Variants in EYS observed in about 807,000 individuals in gnomAD.
EYS encodes EGF-like photoreceptor maintenance factor, also known as protein eyes shut homolog.
A neutral mutation model predicts 282.1 loss-of-function variants in EYS; 250 were observed. That is an observed-to-expected ratio of 0.89 (90% CI 0.80 to 0.98). The LOEUF (loss-of-function observed/expected upper bound fraction) is 0.98. Among genes scored for constraint, EYS ranks in the 50% least tolerant of loss-of-function variants. EYS has a pLI of 0.00. For synonymous variants in EYS, 1,355 were observed against 1,282.9 expected (o/e 1.06, Z -1.20); for missense variants, 4,016 against 3,709.0 (o/e 1.08, Z -2.15).
At chr6:64,561,529 C>A (rs1005187753) in intron 26 of EYS, among the ~76,000 whole-genome samples, 5 of 151,978 alleles carry the variant, frequency 3.3e-5, no homozygotes, top group African/African-American at 1.2e-4. Flanking sequence ...TGTACACCAA[C>A]AACAGACAAA....
At chr6:65,126,938 T>C in intron 12 of EYS, among the ~76,000 whole-genome samples, 1 of 152,116 alleles carries the variant, frequency 6.6e-6, no homozygotes, top group East Asian at 1.9e-4. Context: ...TTTTGGATTG[T>C]GGTAAGAGTG....
intron 41 of EYS, 107 bp downstream of exon 41, chr6:63,762,354 A>G: frequency 1.9e-6 from 2 of 1,051,160 alleles, no homozygotes; most frequent in South Asian, 3.1e-5. Flanking sequence ...AGTGGATTTG[A>G]ATTTTATTAT....
At chr6:65,592,208 A>C (rs1485894732) in intron 2 of EYS, among the ~76,000 whole-genome samples, 1 of 152,052 alleles carries the variant, frequency 6.6e-6, no homozygotes, top group Non-Finnish European at 1.5e-5. Context: ...ACTTTAAAAA[A>C]AGCCTTTATC....
intron 22 of EYS, among the ~76,000 whole-genome samples, chr6:64,725,182 T>C (rs1023084361): frequency 6.6e-6 from 1 of 152,168 alleles, no homozygotes; most frequent in Non-Finnish European, 1.5e-5. Context: ...ATATGTAGGA[T>C]ATTAATAGTT....
chr6:65,032,943 G>A (rs1209435412), intron 13 of EYS, among the ~76,000 whole-genome samples: 2 of 152,146 alleles, frequency 1.3e-5, no homozygotes, highest in African/African-American at 4.8e-5. Context: ...GGACAGTGAA[G>A]CCCAGGTTGC....
intron 2 of EYS, among the ~76,000 whole-genome samples, chr6:65,614,154 C>T (rs71572539): frequency 6.6e-6 from 1 of 151,868 alleles, no homozygotes; most frequent in Non-Finnish European, 1.5e-5. Flanking sequence ...AATAACTACA[C>T]ATTTCATAAC....
At chr6:64,724,517 T>C (rs1273803759) in intron 22 of EYS, among the ~76,000 whole-genome samples, 2 of 152,244 alleles carry the variant, frequency 1.3e-5, no homozygotes, top group African/African-American at 2.4e-5. Context: ...ACTAAAGCCA[T>C]GTGCTGCTCA....
intron 5 of EYS, among the ~76,000 whole-genome samples, chr6:65,417,955 G>A (rs1443606934): frequency 6.6e-6 from 1 of 151,860 alleles, no homozygotes; most frequent in Non-Finnish European, 1.5e-5. Flanking sequence ...AATAGATATG[G>A]CCCCTAAAAT....
intron 19 of EYS, among the ~76,000 whole-genome samples, chr6:64,824,652 T>C (rs1047827180): frequency 1.3e-5 from 2 of 151,822 alleles, no homozygotes; most frequent in African/African-American, 2.4e-5. Flanking sequence ...GGTCAATTTA[T>C]AACAAAAGTG....
intron 35 of EYS, among the ~76,000 whole-genome samples, chr6:63,969,972 G>A (rs1333184940): frequency 1.3e-5 from 2 of 152,196 alleles, no homozygotes; most frequent in African/African-American, 4.8e-5. Flanking sequence ...CCTGAGTTGA[G>A]CACAAGTGGT....
chr6:64,135,511 G>A (rs77546575), intron 31 of EYS, among the ~76,000 whole-genome samples: 2,009 of 152,082 alleles, frequency 0.013, 39 homozygotes, highest in African/African-American at 0.045. Flanking sequence ...CGAGTAATGG[G>A]AAGGGAGAAA....
rs548127000 is a variant in EYS, at chr6:63,999,468, T to TC, written c.6726-286_6726-285insG. Among the ~76,000 whole-genome samples the TC allele has an allele frequency of 5.0e-3, 763 of 152,352 alleles. 3 individuals carry two copies. Among genetic ancestry groups the TC allele is most frequent in the Non-Finnish European group, 7.7e-3 (523 of 68,036 alleles). ...CACAAAATAAAAAGAGCTTCATGTG[T>TC]ATAAGTAGATATTGACAAATTTTAA... On this transcript the variant is annotated intron_variant, in intron 33 of 42. Coordinates refer to ENST00000503581, the MANE Select transcript of EYS (RefSeq NM_001142800.2).
chr6:64,382,142 T>TG (rs1228828067), intron 29 of EYS, among the ~76,000 whole-genome samples: 4 of 152,196 alleles, frequency 2.6e-5, no homozygotes, highest in African/African-American at 9.6e-5. Flanking sequence ...TACATTTTCT[T>TG]GGCTGTGCCC....
chr6:64,268,080 G>C (rs1019280920), intron 30 of EYS, among the ~76,000 whole-genome samples: 2 of 152,014 alleles, frequency 1.3e-5, no homozygotes, highest in African/African-American at 4.8e-5. Flanking sequence ...TTTAATCACA[G>C]CATTTTTTTT....
chr6:63,872,083 G>C (rs1463230415), intron 35 of EYS, among the ~76,000 whole-genome samples: 3 of 152,132 alleles, frequency 2.0e-5, no homozygotes, highest in Non-Finnish European at 2.9e-5. Context: ...TGAGTGGCTT[G>C]AAACAGTTTC....
intron 32 of EYS, among the ~76,000 whole-genome samples, chr6:64,071,784 T>C (rs1252454004): frequency 6.6e-6 from 1 of 151,290 alleles, no homozygotes; most frequent in Non-Finnish European, 1.5e-5. Context: ...ACAACACATA[T>C]AAGGAGGAAT....
intron 35 of EYS, 60 bp from the exon 36 acceptor site, chr6:63,864,418 A>G (rs1475549597): frequency 8.6e-7 from 1 of 1,166,282 alleles, no homozygotes; most frequent in East Asian, 2.6e-5. Flanking sequence ...CTACACACAT[A>G]CACATATATA....
intron 8 of EYS, among the ~76,000 whole-genome samples, chr6:65,377,057 T>C (rs1765396137): frequency 6.6e-6 from 1 of 152,026 alleles, no homozygotes; most frequent in African/African-American, 2.4e-5. Flanking sequence ...CCACATCAAA[T>C]CAACAGAATA....
chr6:64,498,163 T>G (rs1198482053), intron 26 of EYS, among the ~76,000 whole-genome samples: 1 of 152,174 alleles, frequency 6.6e-6, no homozygotes, highest in East Asian at 1.9e-4. Context: ...ATTGTTAGTA[T>G]CCTTTAAGTT....
Sources: gnomAD v4.1 joint callset for allele counts (sites outside exome capture counted in the v4.1 genomes callset) on GRCh38, gnomAD v4.1.1 for gene constraint, MANE v1.5 for transcripts, NCBI Gene and HGNC (gene_info 2026-07-23, HGNC 2026-07-21) for gene names.